Variants in NLGN4X observed in about 807,000 individuals in gnomAD.
NLGN4X encodes the protein neuroligin 4 X-linked.
In NLGN4X, 3 loss-of-function variants were observed where a neutral mutation model predicts 40.3. The ratio of observed to expected loss-of-function variants is 0.07; its 90% CI spans 0.03 to 0.19. The LOEUF is 0.19. NLGN4X is among the 10% of genes least tolerant of loss of function. The pLI, the probability that NLGN4X is intolerant of heterozygous loss-of-function variation, is 1.00. For missense variants in NLGN4X, 382 were observed against 708.3 expected (o/e 0.54, Z 5.23); for synonymous variants, 270 against 306.8 (o/e 0.88, Z 1.25).
chrX:5,989,896 T>G (rs1157361312), intron 3 of NLGN4X, among the ~76,000 whole-genome samples: 3 of 111,398 alleles, frequency 2.7e-5, no homozygotes, highest in Non-Finnish European at 5.6e-5. Context: ...AGTAAGAGAT[T>G]AACAACAATT....
intron 1 of NLGN4X, chrX:6,187,400 G>A (rs1922147287): frequency 9.1e-6 from 1 of 109,779 alleles, no homozygotes; most frequent in Non-Finnish European, 1.9e-5. Flanking sequence ...GTGAACCCGG[G>A]AGGCGGACGC....
chrX:5,957,188 C>A (rs1429071318), intron 3 of NLGN4X, among the ~76,000 whole-genome samples: 2 of 111,901 alleles, frequency 1.8e-5, no homozygotes, highest in Admixed American at 1.9e-4. Context: ...ATATTTAATA[C>A]CCTCCAGAAT....
At chrX:6,207,527 C>A (rs982002522) in intron 1 of NLGN4X, among the ~76,000 whole-genome samples, 1 of 111,875 alleles carries the variant, frequency 8.9e-6, no homozygotes, top group Non-Finnish European at 1.9e-5. Context: ...AAAACACTTA[C>A]GTTTATGAGT....
intron 2 of NLGN4X, among the ~76,000 whole-genome samples, chrX:6,045,441 T>A (rs1157427708): frequency 2.7e-5 from 3 of 111,645 alleles, no homozygotes; most frequent in African/African-American, 6.5e-5. Flanking sequence ...CCTCCAATGA[T>A]CATTATAATA....
At chrX:5,896,351 T>G (rs1423800029) in intron 5 of NLGN4X, among the ~76,000 whole-genome samples, 1 of 112,041 alleles carries the variant, frequency 8.9e-6, no homozygotes, top group African/African-American at 3.2e-5. Context: ...CCAGATAAAC[T>G]TGTGGAGATT....
intron 3 of NLGN4X, among the ~76,000 whole-genome samples, chrX:5,947,754 C>T (rs1300088585): frequency 9.0e-6 from 1 of 111,477 alleles, no homozygotes; most frequent in African/African-American, 3.3e-5. Context: ...GCTGGCATTT[C>T]TGTGAGATGT....
chrX:6,227,496 G>C (rs897434312), intron 1 of NLGN4X, among the ~76,000 whole-genome samples: 1 of 108,757 alleles, frequency 9.2e-6, no homozygotes, highest in African/African-American at 3.4e-5. Context: ...TTCCCAGGGC[G>C]GCAGCTGCAA....
At chrX:5,978,328 CTT>C (rs755913613) in intron 3 of NLGN4X, among the ~76,000 whole-genome samples, 2 of 56,782 alleles carry the variant, frequency 3.5e-5, no homozygotes, top group East Asian at 4.6e-4. Flanking sequence ...TTCTTTCTTT[CTT>C]TCTTTCTTTC....
In NLGN4X at chrX:5,891,537, C is replaced by T. The variant is rs1024039949; in HGVS notation, c.*1280G>A. On this transcript the variant is annotated 3_prime_UTR_variant, in exon 6 of 6. Transcript: ENST00000381095. ...GTACTTCATCGGCCAAACCCTCCCG[C>T]AGCTGCTAGGGAACACAGAGCCGTA... The T allele has an allele frequency of 3.1e-5, 9 of 287,300 alleles. No homozygotes were observed. The highest frequency in any genetic ancestry group is 5.2e-5 in the Non-Finnish European group (8 of 153,549). The allele number at this position is 287,300 out of a possible 1,213,427, so 23.7% of individuals were successfully genotyped here.
Position 6,151,616 on chromosome X carries a change from G to A in NLGN4X, c.-150C>T. 2.0e-6 allele frequency: 1 copy of A among 511,088 alleles called. No homozygotes were observed. The allele number at this position is 511,088 out of a possible 1,213,427, so 42.1% of individuals were successfully genotyped here. Reference sequence around the variant, plus strand: ...AGACTGATCACAGACAGAGCCTGAGGTTAAGAACAAGCACAGCCGTTTTCT... The same window carrying A: ...AGACTGATCACAGACAGAGCCTGAGATTAAGAACAAGCACAGCCGTTTTCT... On this transcript the variant is annotated 5_prime_UTR_variant, in exon 2 of 6. Transcript: ENST00000381095.
intron 2 of NLGN4X, among the ~76,000 whole-genome samples, chrX:6,056,944 C>T (rs950250722): frequency 1.8e-5 from 2 of 111,725 alleles, no homozygotes; most frequent in Admixed American, 1.9e-4. Context: ...GTGTACAGAT[C>T]GACACATTCC....
chrX:5,994,226 G>A (rs1357925975), intron 3 of NLGN4X, among the ~76,000 whole-genome samples: 13 of 111,985 alleles, frequency 1.2e-4, no homozygotes, highest in African/African-American at 3.2e-4. Context: ...CTTTATGCAC[G>A]TTAGTCAGCC....
chrX:6,133,770 C>G (rs965160911), intron 2 of NLGN4X, among the ~76,000 whole-genome samples: 2 of 111,647 alleles, frequency 1.8e-5, no homozygotes, highest in African/African-American at 6.5e-5. Context: ...CTTCTGTACT[C>G]TTCCATTCAT....
intron 2 of NLGN4X, among the ~76,000 whole-genome samples, chrX:6,138,250 A>T (rs1412673759): frequency 1.8e-5 from 2 of 112,262 alleles, no homozygotes; most frequent in African/African-American, 6.5e-5. Flanking sequence ...AAGATCTCAC[A>T]TAAACTCTGG....
chrX:6,037,431 C>T (rs1416426451), intron 2 of NLGN4X, among the ~76,000 whole-genome samples: 1 of 111,260 alleles, frequency 9.0e-6, no homozygotes, highest in Non-Finnish European at 1.9e-5. Flanking sequence ...CATTACAAGT[C>T]AGAAAAACAA....
intron 3 of NLGN4X, among the ~76,000 whole-genome samples, chrX:5,962,781 TC>T (rs1280256712): frequency 8.9e-6 from 1 of 112,089 alleles, no homozygotes; most frequent in East Asian, 2.8e-4. Flanking sequence ...AAGAGCTCCC[TC>T]ACCCTTTTTC....
intron 3 of NLGN4X, among the ~76,000 whole-genome samples, chrX:5,972,625 AG>A (rs1273013778): frequency 9.0e-6 from 1 of 111,582 alleles, no homozygotes; most frequent in Admixed American, 9.6e-5. Flanking sequence ...TTCATACAGA[AG>A]TTAGTCTATT....
At chrX:6,102,973 A>T (rs1483696735) in intron 2 of NLGN4X, among the ~76,000 whole-genome samples, 1 of 111,435 alleles carries the variant, frequency 9.0e-6, no homozygotes, top group Non-Finnish European at 1.9e-5. Flanking sequence ...CAGGGTTCTG[A>T]GGAAGGTGAT....
intron 2 of NLGN4X, among the ~76,000 whole-genome samples, chrX:6,036,428 A>T (rs2037007769): frequency 8.9e-6 from 1 of 111,734 alleles, no homozygotes; most frequent in South Asian, 3.7e-4. Flanking sequence ...TTCTTTTTTA[A>T]TAAACTGCTG....
Sources: gnomAD v4.1 joint callset for allele counts (sites outside exome capture counted in the v4.1 genomes callset) on GRCh38, gnomAD v4.1.1 for gene constraint, MANE v1.5 for transcripts, NCBI Gene and HGNC (gene_info 2026-07-23, HGNC 2026-07-21) for gene names.